TRIM4: variants seen among roughly 807,000 people sequenced by gnomAD.
The protein encoded by TRIM4 is tripartite motif containing 4, also known as E3 ubiquitin-protein ligase TRIM4.
TRIM4 carries 29 observed loss-of-function variants against 33.7 expected under a neutral mutation model. The observed-to-expected ratio is 0.86, with a 90% CI of 0.64 to 1.17. The LOEUF (loss-of-function observed/expected upper bound fraction) is 1.17. Among genes scored for constraint, TRIM4 ranks in the 50% most tolerant of loss-of-function variants. The pLI, the probability that TRIM4 is intolerant of heterozygous loss-of-function variation, is 0.00. For missense variants in TRIM4, 554 were observed against 593.7 expected (o/e 0.93, Z 0.69); for synonymous variants, 224 against 233.0 (o/e 0.96, Z 0.35).
At chr7:99,912,023 A>G (rs1819456605) in intron 1 of TRIM4, among the ~76,000 whole-genome samples, 1 of 152,232 alleles carries the variant, frequency 6.6e-6, no homozygotes, top group African/African-American at 2.4e-5. Flanking sequence ...TTCCATTTAT[A>G]TGAAGTTCTG....
chr7:99,892,162 C>T lies in TRIM4; in HGVS notation c.*1G>A. 1 of 1,599,778 alleles carries T rather than the reference C, an allele frequency of 6.3e-7. No individual in the cohort carries two copies. ...GAGTTTTGGTCAGGGGAAGAAAAGC[C>T]TCATTTCCTATCAGTCACTGGTGGA... On this transcript the variant is annotated 3_prime_UTR_variant, in exon 6 of 6. Transcript: ENST00000349062.
At chr7:99,898,877 C>T (rs1390738401) in intron 5 of TRIM4, among the ~76,000 whole-genome samples, 1 of 152,198 alleles carries the variant, frequency 6.6e-6, no homozygotes. Flanking sequence ...AGTAAAAATT[C>T]TCTATCTTAT....
rs144039788 is a variant in TRIM4 at position 99,910,318 on chromosome 7, C to T, written c.394-658G>A. 5.3e-3 allele frequency among the ~76,000 whole-genome samples: 811 copies of T among 152,190 alleles called. 6 individuals are homozygous for T. Among genetic ancestry groups the T allele is most frequent in the African/African-American group, 0.019 (786 of 41,520 alleles). On this transcript the variant is annotated intron_variant, in intron 1 of 5. Coordinates refer to ENST00000349062, the MANE Select transcript of TRIM4 (RefSeq NM_033091.3). ...AACAAAATTTTAAATGGGTATAATG[C>T]TACTTCTAATAATCTATGCAACAAA...
chr7:99,892,983 T>G (rs934107830), intron 5 of TRIM4, among the ~76,000 whole-genome samples: 2 of 152,312 alleles, frequency 1.3e-5, no homozygotes, highest in Admixed American at 6.5e-5. Flanking sequence ...GCGCAGTGAC[T>G]CATGCCTGTA....
Position 99,892,140 on chromosome 7 carries a change from T to G in TRIM4, c.*23A>C. 1.3e-6 allele frequency: 2 copies of G among 1,565,816 alleles called. No homozygotes were observed. The highest frequency in any genetic ancestry group is 1.8e-5 in the Admixed American group (1 of 55,426). Reference sequence around the variant, plus strand: ...CCTCAGCTGGACTACAGGGAAGGAGTTTTGGTCAGGGGAAGAAAAGCCTCA... The same window carrying G: ...CCTCAGCTGGACTACAGGGAAGGAGGTTTGGTCAGGGGAAGAAAAGCCTCA... On this transcript the variant is annotated 3_prime_UTR_variant, in exon 6 of 6. Coordinates refer to ENST00000349062, the MANE Select transcript of TRIM4 (RefSeq NM_033091.3).
chr7:99,908,940 C>G (rs1015675791), intron 2 of TRIM4, 128 bp from the exon 3 acceptor site: 4 of 792,392 alleles, frequency 5.0e-6, no homozygotes, highest in Non-Finnish European at 7.9e-6. Context: ...TGCCCACCCC[C>G]ACTAAAATTT....
chr7:99,890,845 C>T lies in TRIM4; in HGVS notation c.*1318G>A, dbSNP rs1344792886. The T allele has an allele frequency of 6.6e-6, 1 of 152,154 alleles. No homozygotes were observed. The highest frequency in any genetic ancestry group is 1.5e-5 in the Non-Finnish European group (1 of 68,038). 9.4% of individuals were successfully genotyped at this position (152,154 alleles called of 1,614,324 possible). On this transcript the variant is annotated 3_prime_UTR_variant, in exon 6 of 6. Transcript: ENST00000349062. The stretch of plus-strand genomic sequence containing the variant: ...ACATGTAATTGATCTATAGAACAAA[C>T]CTGCACGTGTTCCCCTTAAACTAAA...
intron 1 of TRIM4, among the ~76,000 whole-genome samples, chr7:99,910,934 G>T (rs938120213): frequency 6.6e-6 from 1 of 152,212 alleles, no homozygotes; most frequent in African/African-American, 2.4e-5. Flanking sequence ...GCTGCAGGAG[G>T]AAAGGGTCCA....
chr7:99,892,747 C>T lies in TRIM4; in HGVS notation c.842-1G>A. 1.2e-6 allele frequency: 2 copies of T among 1,608,420 alleles called. No homozygotes were observed. Among genetic ancestry groups the T allele is most frequent in the Non-Finnish European group, 1.7e-6 (2 of 1,178,110 alleles). On this transcript the variant is annotated splice_acceptor_variant, in intron 5 of 5. Coordinates refer to ENST00000349062, the MANE Select transcript of TRIM4 (RefSeq NM_033091.3). LOFTEE classifies it high-confidence loss of function. ...GTGTCTTCAGCTAGGTTTACAGCCA[C>T]TGTGGAGAAAATGAGAGCTAAGTAG...
intron 5 of TRIM4, among the ~76,000 whole-genome samples, chr7:99,894,775 T>C (rs1196607861): frequency 6.6e-6 from 1 of 152,164 alleles, no homozygotes; most frequent in Non-Finnish European, 1.5e-5. Context: ...ATTCCAGTTA[T>C]CTCTATCTTC....
rs1818894537 is a variant in TRIM4, at chr7:99,891,608, T to C, written c.*555A>G. On this transcript the variant is annotated 3_prime_UTR_variant, in exon 6 of 6. Coordinates refer to ENST00000349062, the MANE Select transcript of TRIM4 (RefSeq NM_033091.3). ...AAAGAATAGGCAATGCCTGACTGGA[T>C]AGAAAAAGATTCTATGCCTTTGTCA... is the stretch of plus-strand genomic sequence containing the variant. The C allele has an allele frequency of 6.6e-6, 1 of 152,456 alleles. No homozygotes were observed. The highest frequency in any genetic ancestry group is 6.5e-5 in the Admixed American group (1 of 15,310). The allele number at this position is 152,456 out of a possible 1,614,324, so 9.4% of individuals were successfully genotyped here. A position where few individuals can be genotyped will look rare whatever the true frequency, so the allele number is the denominator to read the frequency against.
chr7:99,913,355 G>C (rs1404914303), intron 1 of TRIM4, among the ~76,000 whole-genome samples: 1 of 152,150 alleles, frequency 6.6e-6, no homozygotes, highest in East Asian at 1.9e-4. Context: ...ATCTGGGTTA[G>C]AAATACCAGA....
At chr7:99,899,847 G>A (rs1819116159) in intron 5 of TRIM4, among the ~76,000 whole-genome samples, 1 of 152,162 alleles carries the variant, frequency 6.6e-6, no homozygotes, top group Admixed American at 6.5e-5. Context: ...CTGGAGTGCA[G>A]TGGTGCAATC....
intron 3 of TRIM4, among the ~76,000 whole-genome samples, chr7:99,905,973 C>T (rs1156310560): frequency 2.6e-5 from 4 of 152,040 alleles, no homozygotes; most frequent in African/African-American, 9.7e-5. Context: ...GGCAAAACCC[C>T]GTCTCTACCA....
At chr7:99,902,644 G>T (rs1819202423) in intron 5 of TRIM4, among the ~76,000 whole-genome samples, 2 of 152,188 alleles carry the variant, frequency 1.3e-5, no homozygotes, top group South Asian at 4.2e-4. Context: ...GATCCAATGA[G>T]TTTATTTTCA....
At position 99,908,602 on chromosome 7, in the gene TRIM4, G is replaced by A. The variant is rs1178582366; in HGVS notation, c.700C>T (p.Pro234Ser). ...ILEVGEKSQAPTLELLQNPKE... is the reference protein window; with the variant it reads ...ILEVGEKSQASTLELLQNPKE... ...CTCACCTGAAGCAGCTCCAGGGTGGGAGCCTGGCTCTTCTCCCCCACCTCT... is the reference window on the plus strand; with the variant it reads ...CTCACCTGAAGCAGCTCCAGGGTGGAAGCCTGGCTCTTCTCCCCCACCTCT... Residue 234 changes from proline to serine, a missense_variant, in exon 3 of 6, where the codon CCC becomes TCC. Coordinates refer to ENST00000349062, the MANE Select transcript of TRIM4 (RefSeq NM_033091.3). The A allele has an allele frequency of 6.2e-7, 1 of 1,612,864 alleles. No homozygotes were observed. Among genetic ancestry groups the A allele is most frequent in the Admixed American group, 1.7e-5 (1 of 59,930 alleles).
chr7:99,900,447 T>G (rs1355831880), intron 5 of TRIM4, among the ~76,000 whole-genome samples: 3 of 152,186 alleles, frequency 2.0e-5, no homozygotes, highest in Non-Finnish European at 4.4e-5. Context: ...TGTGGCCCAG[T>G]CAAGTTGATG....
intron 1 of TRIM4, among the ~76,000 whole-genome samples, chr7:99,913,500 T>C (rs1048532651): frequency 6.6e-5 from 10 of 151,536 alleles, no homozygotes; most frequent in Non-Finnish European, 1.5e-4. Context: ...AACCCCGTCT[T>C]TACTAAAAAT....
In TRIM4 at chr7:99,892,032, A is replaced by C. The variant is rs1584257621; in HGVS notation, c.*131T>G. 2.4e-6 allele frequency: 2 copies of C among 822,186 alleles called. No individual in the cohort carries two copies. Among genetic ancestry groups the C allele is most frequent in the East Asian group, 5.4e-5 (2 of 37,188 alleles). 50.9% of individuals were successfully genotyped at this position (822,186 alleles called of 1,614,324 possible). ...TGAAGCACACAAAGGGCAGATACCAAACGGTACCGTTAGGGAGACCCAGAA... is the reference window on the plus strand; with the variant it reads ...TGAAGCACACAAAGGGCAGATACCACACGGTACCGTTAGGGAGACCCAGAA... On this transcript the variant is annotated 3_prime_UTR_variant, in exon 6 of 6. Coordinates refer to ENST00000349062, the MANE Select transcript of TRIM4 (RefSeq NM_033091.3).
Sources: gnomAD v4.1 joint callset for allele counts (sites outside exome capture counted in the v4.1 genomes callset) on GRCh38, gnomAD v4.1.1 for gene constraint, MANE v1.5 for transcripts, NCBI Gene and HGNC (gene_info 2026-07-23, HGNC 2026-07-21) for gene names.